The following NAALADL2 variants were observed in gnomAD, a reference collection of about 807,000 sequenced individuals.
NAALADL2 encodes inactive N-acetylated-alpha-linked acidic dipeptidase-like protein 2.
Under a neutral mutation model 87.2 loss-of-function variants are expected in NAALADL2, and 76 were observed. The observed-to-expected ratio is 0.87, with a 90% CI of 0.72 to 1.05. The LOEUF (loss-of-function observed/expected upper bound fraction) is 1.05, where lower values mean the gene tolerates loss of function less well. NAALADL2 is among the 50% of genes least tolerant of loss of function. The pLI, the probability that NAALADL2 is intolerant of heterozygous loss-of-function variation, is 0.00. For missense variants in NAALADL2, 1,089 were observed against 945.8 expected (o/e 1.15, Z -1.99); for synonymous variants, 354 against 331.0 (o/e 1.07, Z -0.75).
chr3:174,597,200 T>C (rs1420437822), intron 2 of NAALADL2, among the ~76,000 whole-genome samples: 1 of 152,132 alleles, frequency 6.6e-6, no homozygotes, highest in East Asian at 1.9e-4. Context: ...CTACTCTGAG[T>C]GGATTCATAC....
chr3:174,621,949 A>G (rs1252897345), intron 2 of NAALADL2, among the ~76,000 whole-genome samples: 2 of 152,118 alleles, frequency 1.3e-5, no homozygotes, highest in Non-Finnish European at 2.9e-5. Flanking sequence ...TTGCTTCACC[A>G]TCCCTAACAA....
chr3:175,145,708 A>G (rs115559528), intron 2 of NAALADL2, among the ~76,000 whole-genome samples: 209 of 152,034 alleles, frequency 1.4e-3, no homozygotes, highest in African/African-American at 4.8e-3. Flanking sequence ...AATTATTGCT[A>G]TTGCAAAACT....
intron 13 of NAALADL2, among the ~76,000 whole-genome samples, chr3:175,776,656 T>C (rs1750285264): frequency 6.6e-6 from 1 of 152,094 alleles, no homozygotes; most frequent in South Asian, 2.1e-4. Context: ...CTGATCCCAA[T>C]TTTGCTTAAT....
chr3:175,790,345 A>ATGATACCTATT (rs1366753063), intron 13 of NAALADL2, among the ~76,000 whole-genome samples: 9 of 152,106 alleles, frequency 5.9e-5, no homozygotes, highest in Non-Finnish European at 1.2e-4. Flanking sequence ...GGAACTCAAG[A>ATGATACCTATT]TGATACCTAT....
At chr3:175,732,418 CAAAATT>C (rs1235005668) in intron 11 of NAALADL2, among the ~76,000 whole-genome samples, 1 of 152,072 alleles carries the variant, frequency 6.6e-6, no homozygotes, top group Non-Finnish European at 1.5e-5. Context: ...ACCTGGGAGA[CAAAATT>C]AATTTGTAAA....
At position 174,543,301 on chromosome 3, in the gene NAALADL2, A is replaced by G. The variant is rs182456268; in HGVS notation, c.-183-7268A>G. Among the ~76,000 whole-genome samples the G allele has an allele frequency of 4.8e-4, 73 of 152,270 alleles. No homozygotes were observed. The East Asian group carries it at 0.01, about 22-fold the overall frequency. Reference sequence around the variant, plus strand: ...GTTGTGGGTGTTATGCAGTAGATGAAGTCGGCTGAATGGGAGTGGTAATGG... The same window carrying G: ...GTTGTGGGTGTTATGCAGTAGATGAGGTCGGCTGAATGGGAGTGGTAATGG... On this transcript the variant is annotated intron_variant, in intron 1 of 3. Coordinates refer to the NAALADL2 transcript ENST00000434257.
intron 11 of NAALADL2, among the ~76,000 whole-genome samples, chr3:175,684,664 C>G (rs1736028170): frequency 6.6e-6 from 1 of 151,796 alleles, no homozygotes; most frequent in Non-Finnish European, 1.5e-5. Context: ...ATAGTTGGGT[C>G]TGGTGATATG....
rs568939053 is a variant in NAALADL2, at chr3:174,968,542, T to A, written c.43+109092T>A. 1.2e-4 allele frequency among the ~76,000 whole-genome samples: 19 copies of A among 152,148 alleles called. No individual in the cohort carries two copies. The South Asian group carries it at 3.7e-3, about 30-fold the overall frequency. On this transcript the variant is annotated intron_variant, in intron 1 of 13. Transcript: ENST00000454872. ...TCACCCAGGCTGCAGTGTAGTGACA[T>A]GATCTCAGCTCACTGCAACCTCTGC...
chr3:175,584,333 G>A (rs762153711), intron 10 of NAALADL2, among the ~76,000 whole-genome samples: 13 of 151,872 alleles, frequency 8.6e-5, no homozygotes, highest in East Asian at 3.9e-4. Context: ...TACCACGCCC[G>A]CCCTACTGTT....
chr3:174,655,349 T>G (rs1404572419), intron 2 of NAALADL2, among the ~76,000 whole-genome samples: 2 of 151,278 alleles, frequency 1.3e-5, no homozygotes, highest in African/African-American at 4.9e-5. Context: ...CTTTTTCATG[T>G]GATACTAAAG....
At chr3:175,375,747 C>T (rs2148965827) in intron 5 of NAALADL2, among the ~76,000 whole-genome samples, 1 of 152,202 alleles carries the variant, frequency 6.6e-6, no homozygotes, top group African/African-American at 2.4e-5. Flanking sequence ...TTCTCATTGA[C>T]ATTTAACCTA....
chr3:174,596,440 G>A (rs537377862), intron 2 of NAALADL2, among the ~76,000 whole-genome samples: 13 of 152,152 alleles, frequency 8.5e-5, no homozygotes, highest in African/African-American at 3.1e-4. Context: ...GTTTTTACAC[G>A]CTATTTCAGT....
At chr3:175,367,672 A>G (rs554376837) in intron 5 of NAALADL2, among the ~76,000 whole-genome samples, 1 of 152,238 alleles carries the variant, frequency 6.6e-6, no homozygotes, top group Admixed American at 6.5e-5. Flanking sequence ...TTATTGGTGT[A>G]TAAGAATGCT....
chr3:174,756,831 C>A (rs1712150256), intron 3 of NAALADL2, among the ~76,000 whole-genome samples: 1 of 152,154 alleles, frequency 6.6e-6, no homozygotes. Context: ...CTGGCCTTTG[C>A]ACATGTTCTT....
At chr3:175,797,856 T>C (rs1233445475) in intron 13 of NAALADL2, among the ~76,000 whole-genome samples, 1 of 152,088 alleles carries the variant, frequency 6.6e-6, no homozygotes, top group Non-Finnish European at 1.5e-5. Context: ...TAAAATGGTA[T>C]AATACTGGTT....
chr3:175,724,145 G>T (rs545898090), intron 11 of NAALADL2, among the ~76,000 whole-genome samples: 17 of 152,204 alleles, frequency 1.1e-4, no homozygotes, highest in African/African-American at 4.1e-4. Flanking sequence ...ATATCGCTCA[G>T]ATAAAGTGTA....
intron 12 of NAALADL2, among the ~76,000 whole-genome samples, chr3:175,737,726 T>TG (rs1319808442): frequency 4.4e-4 from 62 of 140,968 alleles, no homozygotes; most frequent in African/African-American, 1.3e-3. Flanking sequence ...TTTTTTTTTT[T>TG]TTTTTTTTTT....
intron 11 of NAALADL2, among the ~76,000 whole-genome samples, chr3:175,727,790 G>T (rs1176887482): frequency 6.6e-6 from 1 of 152,132 alleles, no homozygotes; most frequent in African/African-American, 2.4e-5. Flanking sequence ...CTTTGGCAAG[G>T]CCTCCTAAGC....
At chr3:175,561,122 A>G (rs1191622765) in intron 9 of NAALADL2, among the ~76,000 whole-genome samples, 1 of 152,198 alleles carries the variant, frequency 6.6e-6, no homozygotes, top group Admixed American at 6.5e-5. Flanking sequence ...GAAAATTGAT[A>G]TAGTATTATA....
Sources: allele counts gnomAD v4.1 joint callset (sites outside exome capture counted in the v4.1 genomes callset), GRCh38; gene constraint gnomAD v4.1.1; transcripts MANE v1.5; gene names NCBI Gene and HGNC (gene_info 2026-07-23, HGNC 2026-07-21).